The following YWHAZ variants were observed in gnomAD, a reference collection of about 807,000 sequenced individuals.
YWHAZ encodes the protein 14-3-3 protein zeta/delta.
For synonymous variants in YWHAZ, 87 were observed against 103.6 expected, an observed-to-expected ratio of 0.84 and a Z score of 0.97; for missense variants, 79 against 284.8, an observed-to-expected ratio of 0.28 and a Z score of 5.20.
Position 100,917,673 on chromosome 8 carries a change from C to T in YWHAZ, c.*3020G>A, listed in dbSNP as rs1428388658. 1 of 152,172 alleles carries T rather than the reference C, an allele frequency of 6.6e-6. No homozygotes were observed. The highest frequency in any genetic ancestry group is 1.5e-5 in the Non-Finnish European group (1 of 68,030). The allele number at this position is 152,172 out of a possible 1,614,324, so 9.4% of individuals were successfully genotyped here. On this transcript the variant is annotated 3_prime_UTR_variant, in exon 6 of 6. Transcript: ENST00000395958. ...GGAGAAGGTTGCAGTGAGCCGAGAT[C>T]AGGCCACTGCACCCCAGCCTGGGCG...
At chr8:100,928,838 T>C (rs1486176029) in intron 2 of YWHAZ, among the ~76,000 whole-genome samples, 1 of 151,772 alleles carries the variant, frequency 6.6e-6, no homozygotes. Flanking sequence ...ATGGCGAGTA[T>C]ACTAGAAACT....
At chr8:100,952,290 A>C, upstream of YWHAZ, 1 of 360,618 alleles carries the variant, frequency 2.8e-6, no homozygotes, top group Non-Finnish European at 3.9e-6. Flanking sequence ...CAGCTCCTCT[A>C]CGCTTGTCCC....
rs1586171282 is a variant in YWHAZ at position 100,951,437 on chromosome 8, G to A, written c.-12+492C>T. On this transcript the variant is annotated intron_variant, in intron 1 of 5. Transcript: ENST00000395958. ...GAAAGGAGGGGGCGGCCGAGGGAGA[G>A]GGGAGGGGGCGGCCTCACCTGCGCC... The A allele has an allele frequency of 1.2e-5, 12 of 981,694 alleles. No individual in the cohort carries two copies. In the South Asian group the frequency reaches 4.7e-4, roughly 39 times the overall value. 60.8% of individuals were successfully genotyped at this position (981,694 alleles called of 1,614,324 possible).
At position 100,919,067 on chromosome 8, in the gene YWHAZ, G is replaced by C. The variant is rs1418900824; in HGVS notation, c.*1626C>G. ...AGGAGAGATTTGCTGCAGTAAATAGGATGAGGGAAATAGTCTGTGGGATGC... is the reference window on the plus strand; with the variant it reads ...AGGAGAGATTTGCTGCAGTAAATAGCATGAGGGAAATAGTCTGTGGGATGC... On this transcript the variant is annotated 3_prime_UTR_variant, in exon 6 of 6. Transcript: ENST00000395958. 6.6e-6 allele frequency: 1 copy of C among 152,250 alleles called. No individual in the cohort carries two copies. The highest frequency in any genetic ancestry group is 1.5e-5 in the Non-Finnish European group (1 of 68,046). The allele number at this position is 152,250 out of a possible 1,614,324, so 9.4% of individuals were successfully genotyped here. A position where few individuals can be genotyped will look rare whatever the true frequency, so the allele number is the denominator to read the frequency against.
At chr8:100,925,855 CAAT>C (rs1291263089) in intron 2 of YWHAZ, among the ~76,000 whole-genome samples, 1 of 152,064 alleles carries the variant, frequency 6.6e-6, no homozygotes, top group Non-Finnish European at 1.5e-5. Context: ...GAAGAAGTCT[CAAT>C]AAATGTGTAA....
chr8:100,951,553 A>T lies in YWHAZ; in HGVS notation c.-12+376T>A, dbSNP rs577220726. 2.6e-5 allele frequency: 26 copies of T among 985,096 alleles called. No individual in the cohort carries two copies. The South Asian group carries it at 1.2e-3, about 46-fold the overall frequency. 61.0% of individuals were successfully genotyped at this position (985,096 alleles called of 1,614,324 possible). A position where few individuals can be genotyped will look rare whatever the true frequency, so the allele number is the denominator to read the frequency against. ...GGAGGGGGTGGAAGCCCGCAGAGAC[A>T]AGGGTGGGGATGGATCGCGGCCGGC... On this transcript the variant is annotated intron_variant, in intron 1 of 5. Coordinates refer to ENST00000395958, the MANE Select transcript of YWHAZ (RefSeq NM_145690.3).
In YWHAZ at chr8:100,916,697, G is replaced by A. The variant is rs1463033414; in HGVS notation, c.*3996C>T. On this transcript the variant is annotated 3_prime_UTR_variant, in exon 6 of 6. Transcript: ENST00000395958. ...TATTCACATCTCTGGTATCACCTAGGATTGGCTAACATTATGCTTAAATAT... is the reference window on the plus strand; with the variant it reads ...TATTCACATCTCTGGTATCACCTAGAATTGGCTAACATTATGCTTAAATAT... The A allele has an allele frequency of 1.3e-5, 2 of 152,142 alleles. No individual in the cohort carries two copies. The highest frequency in any genetic ancestry group is 1.3e-4 in the Admixed American group (2 of 15,280). The allele number at this position is 152,142 out of a possible 1,614,324, so 9.4% of individuals were successfully genotyped here.
chr8:100,953,376 G>C (rs1810932897), upstream of YWHAZ: 9 of 985,560 alleles, frequency 9.1e-6, no homozygotes, highest in South Asian at 4.2e-4. Flanking sequence ...CGGGAGCCCG[G>C]AAGAAGGGGA....
chr8:100,951,395 G>T, intron 1 of YWHAZ: 1 of 969,496 alleles, frequency 1.0e-6, no homozygotes, highest in Non-Finnish European at 1.2e-6. Flanking sequence ...CAGCGCGGAG[G>T]CTGCGCGAGG....
rs771477324 is a variant in YWHAZ at position 100,948,157 on chromosome 8, T to C, written c.294+439A>G. 3.7e-5 allele frequency: 57 copies of C among 1,532,454 alleles called. No homozygotes were observed. The highest frequency in any genetic ancestry group is 6.9e-5 in the African/African-American group (5 of 72,930). 94.9% of individuals were successfully genotyped at this position (1,532,454 alleles called of 1,614,324 possible). On this transcript the variant is annotated intron_variant, in intron 2 of 5. Transcript: ENST00000395958. The surrounding 1 kb of genome is among the most constrained non-coding windows in gnomAD (Gnocchi z 4.2). Reference sequence around the variant, plus strand: ...CATGGTTGACTCATTACATTAACATTATAGCGGCTAATCCTGAGAAGAGTA... The same window carrying C: ...CATGGTTGACTCATTACATTAACATCATAGCGGCTAATCCTGAGAAGAGTA...
intron 2 of YWHAZ, among the ~76,000 whole-genome samples, chr8:100,947,313 A>G (rs925905107): frequency 1.3e-5 from 2 of 152,118 alleles, no homozygotes; most frequent in Non-Finnish European, 2.9e-5. Flanking sequence ...GCAAAATCAC[A>G]AAACAGACAT....
rs995396349 is a variant in YWHAZ, at chr8:100,922,390, T to C, written c.678+1565A>G. 4 of 118 alleles carry C rather than the reference T, an allele frequency of 0.034. No individual in the cohort carries two copies. The highest frequency in any genetic ancestry group is 0.12 in the Admixed American group (1 of 8). 0.0% of individuals were successfully genotyped at this position (118 alleles called of 1,614,324 possible). A position where few individuals can be genotyped will look rare whatever the true frequency, so the allele number is the denominator to read the frequency against. The stretch of plus-strand genomic sequence containing the variant: ...ATCAAAACCCTGGTTTTTTCTTTTC[T>C]TTTTTTTTTTTTTTGAGACAGAGTC... On this transcript the variant is annotated intron_variant, in intron 5 of 5. Coordinates refer to ENST00000395958, the MANE Select transcript of YWHAZ (RefSeq NM_145690.3). The surrounding 1 kb of genome is among the most constrained non-coding windows in gnomAD (Gnocchi z 4.1).
intron 2 of YWHAZ, among the ~76,000 whole-genome samples, chr8:100,937,013 A>C (rs1814195649): frequency 1.3e-5 from 2 of 152,220 alleles, no homozygotes; most frequent in South Asian, 4.1e-4. Flanking sequence ...CAGAAACAGG[A>C]AATTACAGTA....
chr8:100,925,276 T>C (rs1252119040), intron 2 of YWHAZ, among the ~76,000 whole-genome samples: 1 of 152,204 alleles, frequency 6.6e-6, no homozygotes, highest in African/African-American at 2.4e-5. Context: ...ACAATAAAAT[T>C]GAACATTGGT....
At chr8:100,941,975 G>A (rs910192276) in intron 2 of YWHAZ, among the ~76,000 whole-genome samples, 2 of 152,132 alleles carry the variant, frequency 1.3e-5, no homozygotes, top group Non-Finnish European at 2.9e-5. Flanking sequence ...CAAATCTTAT[G>A]TTGGTCCGCT....
intron 2 of YWHAZ, chr8:100,931,942 A>G (rs942502115): frequency 6.6e-6 from 1 of 152,088 alleles, no homozygotes; most frequent in African/African-American, 2.4e-5. Context: ...GAACAAAAGA[A>G]AAAAAGAACA....
At chr8:100,939,764 G>A (rs765706249) in intron 2 of YWHAZ, among the ~76,000 whole-genome samples, 1 of 152,168 alleles carries the variant, frequency 6.6e-6, no homozygotes, top group Non-Finnish European at 1.5e-5. Context: ...GCTCATGCCT[G>A]TAATCTCAGC....
intron 2 of YWHAZ, among the ~76,000 whole-genome samples, chr8:100,947,149 G>A (rs905349947): frequency 2.6e-5 from 4 of 151,208 alleles, no homozygotes; most frequent in African/African-American, 9.7e-5. Context: ...AGCTATTCGG[G>A]AGGCTGAGGC....
At chr8:100,935,770 G>C (rs1021888503) in intron 2 of YWHAZ, among the ~76,000 whole-genome samples, 2 of 152,160 alleles carry the variant, frequency 1.3e-5, no homozygotes, top group East Asian at 1.9e-4. Flanking sequence ...TACTAACTAA[G>C]AGGCAAGACA....
Sources: gnomAD v4.1 joint callset for allele counts (sites outside exome capture counted in the v4.1 genomes callset) on GRCh38, gnomAD v4.1.1 for gene constraint, Gnocchi (gnomAD v3.1) non-coding constraint, MANE v1.5 for transcripts, NCBI Gene and HGNC (gene_info 2026-07-23, HGNC 2026-07-21) for gene names.